PCM1: variants seen among roughly 807,000 people sequenced by gnomAD.
PCM1 encodes pericentriolar material 1, also known as pericentriolar material 1 protein.
A neutral mutation model predicts 241.9 loss-of-function variants in PCM1; 157 were observed. The observed-to-expected ratio is 0.65, with a 90% CI of 0.57 to 0.74. The LOEUF (loss-of-function observed/expected upper bound fraction) is 0.74, where lower values mean the gene tolerates loss of function less well. Among genes scored for constraint, PCM1 ranks in the 30% least tolerant of loss-of-function variants. The pLI, the probability that PCM1 is intolerant of heterozygous loss-of-function variation, is 0.00. For synonymous variants in PCM1, 1,085 were observed against 784.9 expected, an observed-to-expected ratio of 1.38 and a Z score of -6.39; for missense variants, 3,478 against 2,360.1, an observed-to-expected ratio of 1.47 and a Z score of -9.81.
At chr8:17,958,610 G>A (rs2069937983) in intron 13 of PCM1, among the ~76,000 whole-genome samples, 1 of 152,066 alleles carries the variant, frequency 6.6e-6, no homozygotes. Flanking sequence ...AATGGTTTTT[G>A]TGAGTGAAAA....
intron 16 of PCM1, among the ~76,000 whole-genome samples, chr8:17,962,538 T>C (rs1460026356): frequency 2.0e-5 from 3 of 152,178 alleles, no homozygotes; most frequent in African/African-American, 7.2e-5. Flanking sequence ...TGACATTTTA[T>C]TTATATGTGG....
intron 29 of PCM1, among the ~76,000 whole-genome samples, chr8:17,994,950 C>T (rs2086128880): frequency 6.6e-6 from 1 of 151,344 alleles, no homozygotes; most frequent in African/African-American, 2.5e-5. Flanking sequence ...GGATGGTTTG[C>T]ACATATTTTC....
At chr8:17,950,977 G>T (rs1469967552) in intron 8 of PCM1, among the ~76,000 whole-genome samples, 1 of 152,190 alleles carries the variant, frequency 6.6e-6, no homozygotes, top group East Asian at 1.9e-4. Context: ...AGTTTACTTT[G>T]AAGGAAGTGA....
At chr8:18,018,426 T>A (rs930909581) in intron 36 of PCM1, among the ~76,000 whole-genome samples, 8 of 152,226 alleles carry the variant, frequency 5.3e-5, no homozygotes, top group African/African-American at 1.9e-4. Flanking sequence ...TTGCCTAAAT[T>A]GCCCTCATGC....
At chr8:18,011,642 A>C in intron 33 of PCM1, 25 bp from the exon 34 acceptor site, 1 of 1,575,710 alleles carries the variant, frequency 6.3e-7, no homozygotes, top group Non-Finnish European at 8.6e-7. Context: ...GAAATTTACT[A>C]AAAATTGTGT....
At chr8:17,934,873 C>T (rs918891334) in intron 2 of PCM1, 2 of 152,146 alleles carry the variant, frequency 1.3e-5, no homozygotes, top group African/African-American at 4.8e-5. Context: ...GAAATTCAGT[C>T]CCTTTCTTGA....
At position 17,964,693 on chromosome 8, in the gene PCM1, C is replaced by T; in HGVS notation, c.2780C>T (p.Ser927Phe). Residue 927 changes from serine to phenylalanine, a missense_variant, in exon 18 of 39, where the codon TCC becomes TTC. Transcript: ENST00000325083. The stretch of plus-strand genomic sequence containing the variant: ...GAGGAAGAAGAGCAAGATGCCAGTT[C>T]CAATGATAACTTTTCTGTGTGTCCT... ...EEEEEEQDAS[S>F]NDNFSVCPSN... The T allele has an allele frequency of 1.9e-6, 3 of 1,613,832 alleles. No homozygotes were observed. Among genetic ancestry groups the T allele is most frequent in the Non-Finnish European group, 2.5e-6 (3 of 1,179,778 alleles).
In PCM1 at chr8:17,935,831, C is replaced by T. The variant is rs933574484; in HGVS notation, c.96+125C>T. 5.8e-6 allele frequency: 3 copies of T among 518,306 alleles called. No individual in the cohort carries two copies. In the East Asian group the frequency reaches 9.1e-5, roughly 16 times the overall value. 32.1% of individuals were successfully genotyped at this position (518,306 alleles called of 1,614,324 possible). A position where few individuals can be genotyped will look rare whatever the true frequency, so the allele number is the denominator to read the frequency against. On this transcript the variant is annotated intron_variant, in intron 3 of 38. Coordinates refer to ENST00000325083, the MANE Select transcript of PCM1 (RefSeq NM_006197.4). ...CTTGCTGGCCAAGACATTAAGGGAC[C>T]CTGGGCCGTTTATTATATTAATTGA...
intron 17 of PCM1, 52 bp from the exon 18 acceptor site, chr8:17,964,516 G>A (rs1210082489): frequency 7.3e-6 from 10 of 1,376,206 alleles, no homozygotes; most frequent in African/African-American, 7.1e-5. Context: ...AGGTGGCAGA[G>A]TATTTAACTT....
chr8:18,003,812 T>C (rs565448035), intron 29 of PCM1, among the ~76,000 whole-genome samples: 1 of 152,256 alleles, frequency 6.6e-6, no homozygotes, highest in East Asian at 1.9e-4. Flanking sequence ...TTTAAGAATA[T>C]AGATTTTTTA....
Position 18,029,493 on chromosome 8 carries a change from T to C in PCM1, c.*1831T>C, listed in dbSNP as rs907301528. On this transcript the variant is annotated 3_prime_UTR_variant, in exon 39 of 39. Transcript: ENST00000325083. ...AGCCCAGCCTTACATACTGTGTTTC[T>C]CTCTCTGTCTGCATGCATATTAAAG... 7 of 215,550 alleles carry C rather than the reference T, an allele frequency of 3.2e-5. No individual in the cohort carries two copies. The highest frequency in any genetic ancestry group is 1.6e-4 in the African/African-American group (7 of 44,392). The allele number at this position is 215,550 out of a possible 1,614,324, so 13.4% of individuals were successfully genotyped here.
At chr8:17,937,008 G>A (rs903717060) in intron 3 of PCM1, 126 bp from the exon 4 acceptor site, 6 of 679,418 alleles carry the variant, frequency 8.8e-6, no homozygotes, top group South Asian at 4.3e-5. Context: ...GTCTCTAGGA[G>A]TATAAGTCTG....
intron 2 of PCM1, chr8:17,926,785 A>T (rs2057140998): frequency 6.6e-6 from 1 of 152,236 alleles, no homozygotes. Flanking sequence ...AGTATTCAGG[A>T]AGGCTAAGAG....
chr8:17,955,545 A>G lies in PCM1; in HGVS notation c.1364A>G (p.Asn455Ser), dbSNP rs200259753. 1,415 of 1,613,668 alleles carry G rather than the reference A, an allele frequency of 8.8e-4. 28 individuals carry two copies. The highest frequency in any genetic ancestry group is 3.3e-4 in the Admixed American group (20 of 59,994). The part of the protein sequence containing the change: ...SASVGLAPVV[N>S]GESNSLTSSV... ...TCTGTAGGCTTGGCACCGGTTGTCA[A>G]TGGAGAATCCAATAGCCTCACATCA... Residue 455 changes from asparagine (N) to serine (S), a missense_variant, in exon 10 of 39, where the codon AAT becomes AGT. Asn to Ser is a conservative substitution (Grantham distance 46). Coordinates refer to ENST00000325083, the MANE Select transcript of PCM1 (RefSeq NM_006197.4).
Position 18,027,797 on chromosome 8 carries a change from C to T in PCM1, c.*135C>T. The T allele has an allele frequency of 1.9e-6, 1 of 517,814 alleles. No homozygotes were observed. 32.1% of individuals were successfully genotyped at this position (517,814 alleles called of 1,614,324 possible). The stretch of plus-strand genomic sequence containing the variant: ...GCTTTTTTGATAGGTGTGGTCATTT[C>T]TCCCCATGGTAGTTTAAAACATCAG... On this transcript the variant is annotated 3_prime_UTR_variant, in exon 39 of 39. Coordinates refer to ENST00000325083, the MANE Select transcript of PCM1 (RefSeq NM_006197.4).
intron 2 of PCM1, among the ~76,000 whole-genome samples, chr8:17,930,268 T>G (rs1176498981): frequency 6.6e-6 from 1 of 151,772 alleles, no homozygotes; most frequent in African/African-American, 2.4e-5. Context: ...GCCTGGCTAA[T>G]TTTTTGTATT....
chr8:17,943,365 A>C (rs1359931863), intron 6 of PCM1, among the ~76,000 whole-genome samples: 3 of 152,154 alleles, frequency 2.0e-5, no homozygotes, highest in African/African-American at 4.8e-5. Flanking sequence ...CAGTAGAGTG[A>C]ATAAAGTAGC....
At chr8:17,946,832 A>AGTGTGT (rs368892136) in intron 6 of PCM1, among the ~76,000 whole-genome samples, 4,501 of 138,320 alleles carry the variant, frequency 0.033, 98 homozygotes, top group East Asian at 0.058. Flanking sequence ...TAGATTCTTC[A>AGTGTGT]GTGTGTGTGT....
Position 17,950,205 on chromosome 8 carries a change from C to T in PCM1, c.962-410C>T, listed in dbSNP as rs142938518. Among the ~76,000 whole-genome samples, 142 of 152,292 alleles carry T rather than the reference C, an allele frequency of 9.3e-4. 1 individual carries two copies. The highest frequency in any genetic ancestry group is 3.2e-3 in the African/African-American group (135 of 41,568). ...TATTTCAACCTTTAAGCAAAGTTTG[C>T]CAGCCCCTCTACCGGAGAATTGATT... On this transcript the variant is annotated intron_variant, in intron 7 of 38. Coordinates refer to ENST00000325083, the MANE Select transcript of PCM1 (RefSeq NM_006197.4).
Sources: gnomAD v4.1 joint callset for allele counts (sites outside exome capture counted in the v4.1 genomes callset) on GRCh38, gnomAD v4.1.1 for gene constraint, MANE v1.5 for transcripts, NCBI Gene and HGNC (gene_info 2026-07-23, HGNC 2026-07-21) for gene names.